MDFIC: variants seen among roughly 807,000 people sequenced by gnomAD.
MDFIC encodes myoD family inhibitor domain-containing protein.
In MDFIC, 17 loss-of-function variants were observed where a neutral mutation model predicts 23.2. That is an observed-to-expected ratio of 0.73 (90% CI 0.50 to 1.10). The LOEUF (loss-of-function observed/expected upper bound fraction) is 1.10, where lower values mean the gene tolerates loss of function less well. Ranked by LOEUF, MDFIC falls within the 50% of genes least tolerant of loss-of-function variation. The pLI is 0.00. For missense variants in MDFIC, 356 were observed against 316.6 expected (o/e 1.12, Z -0.95); for synonymous variants, 120 against 115.2 (o/e 1.04, Z -0.27).
chr7:114,992,508 T>G (rs901337084), intron 4 of MDFIC, among the ~76,000 whole-genome samples: 3 of 152,226 alleles, frequency 2.0e-5, no homozygotes, highest in African/African-American at 7.2e-5. Flanking sequence ...GCTCTTATTA[T>G]TTTGAGATAT....
chr7:114,986,354 TAGG>T (rs1455261997), intron 4 of MDFIC, among the ~76,000 whole-genome samples: 2 of 152,086 alleles, frequency 1.3e-5, no homozygotes, highest in African/African-American at 4.8e-5. Flanking sequence ...TCCCCACCAG[TAGG>T]AGTACAGCCA....
At position 114,962,218 on chromosome 7, in the gene MDFIC, A is replaced by G. The variant is rs974530798; in HGVS notation, c.218-17288A>G. Among the ~76,000 whole-genome samples, 6 of 152,212 alleles carry G rather than the reference A, an allele frequency of 3.9e-5. No homozygotes were observed. The East Asian group carries it at 9.6e-4, about 24-fold the overall frequency. On this transcript the variant is annotated intron_variant, in intron 3 of 4. Transcript: ENST00000393486. ...GTGTGTTCAACCTCTGTGTTTCTCAATGGACAAATTGAAGCAGAGAAGTAA... is the reference window on the plus strand; with the variant it reads ...GTGTGTTCAACCTCTGTGTTTCTCAGTGGACAAATTGAAGCAGAGAAGTAA...
chr7:114,939,097 C>G (rs1465614338), intron 2 of MDFIC, among the ~76,000 whole-genome samples: 3 of 152,070 alleles, frequency 2.0e-5, no homozygotes, highest in East Asian at 1.9e-4. Flanking sequence ...ATGTAACTGC[C>G]CACCATTTAT....
chr7:114,978,428 G>T (rs1585111057), intron 3 of MDFIC, among the ~76,000 whole-genome samples: 1 of 152,092 alleles, frequency 6.6e-6, no homozygotes, highest in East Asian at 1.9e-4. Context: ...ATGACTTTCA[G>T]TAGTGTTTTG....
intron 3 of MDFIC, among the ~76,000 whole-genome samples, chr7:114,976,992 A>G (rs1004689093): frequency 6.6e-6 from 1 of 152,176 alleles, no homozygotes; most frequent in Non-Finnish European, 1.5e-5. Context: ...AGAGTTCTTC[A>G]TAGTCTTATG....
At chr7:114,923,326 G>T in intron 2 of MDFIC, 199 bp downstream of exon 2, 1 of 1,158,654 alleles carries the variant, frequency 8.6e-7, no homozygotes, top group Non-Finnish European at 1.2e-6. Flanking sequence ...TAAGAGGGCG[G>T]GAACCGTTGG....
intron 4 of MDFIC, among the ~76,000 whole-genome samples, chr7:115,006,934 A>AATTTTACT (rs1421869631): frequency 1.1e-3 from 4 of 3,702 alleles, no homozygotes; most frequent in Admixed American, 6.4e-3. Flanking sequence ...AGTAAAGTAT[A>AATTTTACT]GTTTCTAGCT....
intron 2 of MDFIC, among the ~76,000 whole-genome samples, chr7:114,939,288 G>A (rs1792493098): frequency 1.3e-5 from 2 of 152,160 alleles, no homozygotes; most frequent in Admixed American, 1.3e-4. Context: ...TCTGAATCTT[G>A]CTTTGGGCTG....
At chr7:114,947,197 T>C (rs752849487) in intron 3 of MDFIC, among the ~76,000 whole-genome samples, 2 of 152,198 alleles carry the variant, frequency 1.3e-5, no homozygotes, top group Non-Finnish European at 2.9e-5. Flanking sequence ...CATATTATGT[T>C]TCTTGGGTCA....
At chr7:114,923,653 GA>G (rs1792136050) in intron 2 of MDFIC, 2 of 1,424,036 alleles carry the variant, frequency 1.4e-6, no homozygotes, top group Admixed American at 2.9e-5. Flanking sequence ...AGGTTTATAA[GA>G]AACACTTTCC....
At chr7:114,965,388 G>C (rs1293160535) in intron 3 of MDFIC, among the ~76,000 whole-genome samples, 1 of 152,134 alleles carries the variant, frequency 6.6e-6, no homozygotes, top group Non-Finnish European at 1.5e-5. Context: ...AACACATTTT[G>C]TTTTTGGTTT....
chr7:114,987,198 T>C (rs1164951719), intron 4 of MDFIC, among the ~76,000 whole-genome samples: 1 of 152,166 alleles, frequency 6.6e-6, no homozygotes, highest in Non-Finnish European at 1.5e-5. Context: ...AACTACATAT[T>C]CTTGAATCCT....
Position 114,938,773 on chromosome 7 carries a change from T to C in MDFIC, c.95-3502T>C, listed in dbSNP as rs565200654. Among the ~76,000 whole-genome samples, 41 of 120,098 alleles carry C rather than the reference T, an allele frequency of 3.4e-4. No homozygotes were observed. The South Asian group carries it at 0.013, about 37-fold the overall frequency. 78.8% of individuals were successfully genotyped at this position (120,098 alleles called of 152,430 possible). ...TTCATATGTGACTGAAATCAACTGA[T>C]TGTCTATGGGTTGTCTTTCAGGTCT... On this transcript the variant is annotated intron_variant, in intron 2 of 4. Coordinates refer to ENST00000393486, the MANE Select transcript of MDFIC (RefSeq NM_001166345.3).
At chr7:114,975,040 T>C (rs1793282524) in intron 3 of MDFIC, among the ~76,000 whole-genome samples, 1 of 152,084 alleles carries the variant, frequency 6.6e-6, no homozygotes, top group Admixed American at 6.6e-5. Flanking sequence ...CATTCATTAC[T>C]GAATATCAAG....
At chr7:114,977,101 G>A (rs1430215835) in intron 3 of MDFIC, among the ~76,000 whole-genome samples, 2 of 152,114 alleles carry the variant, frequency 1.3e-5, no homozygotes, top group East Asian at 3.9e-4. Flanking sequence ...GTATAGCACA[G>A]TAAAATTTTC....
chr7:114,978,493 G>A (rs1218427262), intron 3 of MDFIC, among the ~76,000 whole-genome samples: 2 of 151,640 alleles, frequency 1.3e-5, no homozygotes, highest in Non-Finnish European at 2.9e-5. Context: ...TCCAAAATAC[G>A]TATAGCATCT....
chr7:114,948,362 T>A (rs1030272923), intron 3 of MDFIC, among the ~76,000 whole-genome samples: 2 of 152,116 alleles, frequency 1.3e-5, no homozygotes, highest in Non-Finnish European at 2.9e-5. Context: ...CTTTGAAGAG[T>A]TTTCAGTGAA....
Position 114,984,887 on chromosome 7 carries a change from A to G in MDFIC, c.493+5106A>G, listed in dbSNP as rs1021205224. ...ATACTTTTTAGGAATTTTTGCATTA[A>G]TTTACACCCCATACTTGATATTCTG... On this transcript the variant is annotated intron_variant, in intron 4 of 4. Transcript: ENST00000393486. 4.6e-5 allele frequency among the ~76,000 whole-genome samples: 7 copies of G among 152,210 alleles called. No homozygotes were observed. The East Asian group carries it at 9.6e-4, about 21-fold the overall frequency.
At chr7:114,987,212 G>T (rs773809287) in intron 4 of MDFIC, among the ~76,000 whole-genome samples, 1 of 152,098 alleles carries the variant, frequency 6.6e-6, no homozygotes, top group Admixed American at 6.6e-5. Flanking sequence ...GAATCCTGAA[G>T]GTGGGAAAAG....
Sources: allele counts gnomAD v4.1 joint callset (sites outside exome capture counted in the v4.1 genomes callset), GRCh38; gene constraint gnomAD v4.1.1; transcripts MANE v1.5; gene names NCBI Gene and HGNC (gene_info 2026-07-23, HGNC 2026-07-21).